XKR9: variants seen among roughly 807,000 people sequenced by gnomAD.
XKR9 encodes XK related 9.
In XKR9, 32 loss-of-function variants were observed where a neutral mutation model predicts 32.0. The observed-to-expected ratio is 1.00, with a 90% CI of 0.76 to 1.34. XKR9 has a LOEUF of 1.34. Ranked by LOEUF, XKR9 falls within the 40% of genes most tolerant of loss-of-function variation. The pLI is 0.00. For missense variants in XKR9, 546 were observed against 429.7 expected, an observed-to-expected ratio of 1.27 and a Z score of -2.39; for synonymous variants, 168 against 143.4, an observed-to-expected ratio of 1.17 and a Z score of -1.22.
chr8:70,795,059 C>G (rs189989799), downstream of XKR9, among the ~76,000 whole-genome samples: 550 of 151,884 alleles, frequency 3.6e-3, 2 homozygotes, highest in Non-Finnish European at 6.6e-3. Context: ...GTTTATTGTA[C>G]AGATTATTTT....
At chr8:70,825,451 C>T in the XKR9 span, among the ~76,000 whole-genome samples, 1 of 152,110 alleles carries the variant, frequency 6.6e-6, no homozygotes. Context: ...CAGAATTACT[C>T]ACTACTCAAT....
the XKR9 span, among the ~76,000 whole-genome samples, chr8:70,836,905 T>A: frequency 5.3e-5 from 8 of 152,196 alleles, no homozygotes; most frequent in South Asian, 1.7e-3. Context: ...TAAAGTTTTT[T>A]AAAAATGAAA....
the XKR9 span, among the ~76,000 whole-genome samples, chr8:70,796,054 GA>G: frequency 6.7e-6 from 1 of 148,446 alleles, no homozygotes; most frequent in Non-Finnish European, 1.5e-5. Context: ...TTGAGATTTT[GA>G]TTTTTTTTTT....
chr8:71,013,151 A>C, the XKR9 span, among the ~76,000 whole-genome samples: 1 of 152,206 alleles, frequency 6.6e-6, no homozygotes, highest in Non-Finnish European at 1.5e-5. Context: ...AAACGAGCAG[A>C]AGCTGCCTAA....
chr8:70,895,697 C>T, the XKR9 span, among the ~76,000 whole-genome samples: 1 of 151,398 alleles, frequency 6.6e-6, no homozygotes, highest in African/African-American at 2.4e-5. Context: ...AGAAAGTTCT[C>T]TTGTAGGCTG....
the XKR9 span, among the ~76,000 whole-genome samples, chr8:71,057,058 A>C: frequency 1.3e-5 from 2 of 152,130 alleles, no homozygotes; most frequent in Non-Finnish European, 2.9e-5. Flanking sequence ...AGTCCCCTTC[A>C]TTTTATTATT....
chr8:71,007,860 G>A, the XKR9 span, among the ~76,000 whole-genome samples: 1 of 151,906 alleles, frequency 6.6e-6, no homozygotes, highest in Non-Finnish European at 1.5e-5. Flanking sequence ...ATAAAAAAGG[G>A]CATTTTTCAT....
the XKR9 span, among the ~76,000 whole-genome samples, chr8:70,821,242 T>C: frequency 6.6e-6 from 1 of 152,268 alleles, no homozygotes; most frequent in Non-Finnish European, 1.5e-5. Flanking sequence ...TGATCTCCTT[T>C]GACTCCATAT....
chr8:71,031,830 C>T, the XKR9 span, among the ~76,000 whole-genome samples: 1 of 152,154 alleles, frequency 6.6e-6, no homozygotes, highest in Non-Finnish European at 1.5e-5. Context: ...TATCATCACC[C>T]TAAATATCAG....
the XKR9 span, among the ~76,000 whole-genome samples, chr8:71,024,978 T>C: frequency 2.0e-5 from 3 of 152,236 alleles, no homozygotes; most frequent in Admixed American, 6.5e-5. Context: ...ATAGCTAGTG[T>C]TTATTGAGCA....
chr8:70,809,318 AG>A, the XKR9 span, among the ~76,000 whole-genome samples: 16 of 152,326 alleles, frequency 1.1e-4, no homozygotes, highest in African/African-American at 3.8e-4. Flanking sequence ...CAAAGACCAA[AG>A]GTAGATAAAA....
At chr8:70,884,186 G>A in the XKR9 span, among the ~76,000 whole-genome samples, 18 of 152,164 alleles carry the variant, frequency 1.2e-4, no homozygotes, top group East Asian at 3.9e-4. Flanking sequence ...TACATCTTTG[G>A]TGATGTGTTT....
chr8:70,920,473 AT>A, the XKR9 span, among the ~76,000 whole-genome samples: 1 of 152,134 alleles, frequency 6.6e-6, no homozygotes, highest in African/African-American at 2.4e-5. Context: ...TGAAAAAAAT[AT>A]TTTTTGATCA....
At chr8:70,918,347 G>A in the XKR9 span, among the ~76,000 whole-genome samples, 1 of 152,194 alleles carries the variant, frequency 6.6e-6, no homozygotes, top group African/African-American at 2.4e-5. Context: ...CATGGGTGCA[G>A]ACTTTACTTC....
chr8:70,793,624 T>C (rs1807792990), downstream of XKR9, among the ~76,000 whole-genome samples: 1 of 152,172 alleles, frequency 6.6e-6, no homozygotes, highest in Non-Finnish European at 1.5e-5. Flanking sequence ...CAACAGAAGA[T>C]GGACTATAAC....
the XKR9 span, among the ~76,000 whole-genome samples, chr8:71,001,439 T>A: frequency 6.6e-6 from 1 of 152,130 alleles, no homozygotes; most frequent in Admixed American, 6.5e-5. Context: ...TTTTTTGTAT[T>A]TTTTGTAGAC....
chr8:70,955,863 G>T, the XKR9 span, among the ~76,000 whole-genome samples: 7 of 152,226 alleles, frequency 4.6e-5, no homozygotes, highest in Non-Finnish European at 8.8e-5. Flanking sequence ...CACTGGCACA[G>T]GCACCAGCTC....
chr8:70,958,147 C>T, the XKR9 span, among the ~76,000 whole-genome samples: 9 of 152,094 alleles, frequency 5.9e-5, no homozygotes, highest in East Asian at 1.9e-4. Context: ...TTGTGAATAG[C>T]GTTGCAATGA....
At chr8:70,873,837 C>G in the XKR9 span, among the ~76,000 whole-genome samples, 4 of 152,294 alleles carry the variant, frequency 2.6e-5, no homozygotes, top group East Asian at 7.7e-4. Context: ...AAAATGCTAT[C>G]AAGCAGCATT....
Sources: allele counts gnomAD v4.1 joint callset (sites outside exome capture counted in the v4.1 genomes callset), GRCh38; gene constraint gnomAD v4.1.1; transcripts MANE v1.5; gene names NCBI Gene and HGNC (gene_info 2026-07-23, HGNC 2026-07-21).